Variants in CMKLR1 observed in about 807,000 individuals in gnomAD.
The protein encoded by CMKLR1 is chemerin-like receptor 1.
Under a neutral mutation model 8.2 loss-of-function variants are expected in CMKLR1, and 6 were observed. That is an observed-to-expected ratio of 0.73 (90% confidence interval 0.40 to 1.44). The LOEUF (loss-of-function observed/expected upper bound fraction) is 1.44, where lower values mean the gene tolerates loss of function less well. Ranked by LOEUF, CMKLR1 falls within the 40% of genes most tolerant of loss-of-function variation. The pLI, the probability that CMKLR1 is intolerant of heterozygous loss-of-function variation, is 0.02. For synonymous variants in CMKLR1, 178 were observed against 181.2 expected (o/e 0.98, Z 0.14); for missense variants, 429 against 478.0 (o/e 0.90, Z 0.96).
intron 2 of CMKLR1, among the ~76,000 whole-genome samples, chr12:108,300,158 G>A (rs556685180): frequency 1.2e-4 from 19 of 152,168 alleles, no homozygotes; most frequent in Admixed American, 6.5e-4. Flanking sequence ...GGACCAGGGC[G>A]CCATGTGGCT....
chr12:108,322,299 C>T (rs776246297), intron 2 of CMKLR1, among the ~76,000 whole-genome samples: 1 of 152,194 alleles, frequency 6.6e-6, no homozygotes, highest in South Asian at 2.1e-4. Context: ...AGGGCTTCGT[C>T]CCCTAGTCAT....
chr12:108,301,504 C>G (rs1457546611), intron 2 of CMKLR1, among the ~76,000 whole-genome samples: 1 of 152,182 alleles, frequency 6.6e-6, no homozygotes, highest in South Asian at 2.1e-4. Context: ...ACAAAAAAGC[C>G]CTACTATGTA....
rs181823549 is a variant in CMKLR1 at position 108,338,226 on chromosome 12, G to A, written c.-287+801C>T. ...ATTTTCAACAGAGAGTGCCGGCAAAGGTTTTGTGTCCTTTATATACAAAGA... is the reference window on the plus strand; with the variant it reads ...ATTTTCAACAGAGAGTGCCGGCAAAAGTTTTGTGTCCTTTATATACAAAGA... On this transcript the variant is annotated intron_variant, in intron 1 of 3. Coordinates refer to ENST00000550402, the MANE Select transcript of CMKLR1 (RefSeq NM_001142343.2). Among the ~76,000 whole-genome samples the A allele has an allele frequency of 2.4e-4, 37 of 152,256 alleles. 1 individual carries two copies. The highest frequency in any genetic ancestry group is 6.8e-3 in the Middle Eastern group (2 of 294).
chr12:108,323,125 A>G (rs1348132337), intron 2 of CMKLR1, among the ~76,000 whole-genome samples: 1 of 152,138 alleles, frequency 6.6e-6, no homozygotes, highest in Non-Finnish European at 1.5e-5. Flanking sequence ...CATTTCCCAC[A>G]AATTTTTGAG....
intron 2 of CMKLR1, among the ~76,000 whole-genome samples, chr12:108,297,588 A>T (rs1365282143): frequency 6.6e-6 from 1 of 152,218 alleles, no homozygotes; most frequent in Non-Finnish European, 1.5e-5. Context: ...CCCTGTAAAA[A>T]TAACTCCTAT....
intron 2 of CMKLR1, among the ~76,000 whole-genome samples, chr12:108,306,620 T>C (rs891021915): frequency 2.6e-5 from 4 of 152,284 alleles, no homozygotes; most frequent in Middle Eastern, 3.4e-3. Flanking sequence ...TTATTCCTAG[T>C]AGACAAATCT....
At chr12:108,327,593 C>T (rs923850860) in intron 2 of CMKLR1, among the ~76,000 whole-genome samples, 1 of 152,222 alleles carries the variant, frequency 6.6e-6, no homozygotes, top group Admixed American at 6.5e-5. Context: ...TTTCCCACTG[C>T]CCACACATCT....
At chr12:108,307,554 G>A (rs1029441059) in intron 2 of CMKLR1, among the ~76,000 whole-genome samples, 4 of 152,222 alleles carry the variant, frequency 2.6e-5, no homozygotes, top group Admixed American at 6.5e-5. Flanking sequence ...AGACTCATCC[G>A]CTCTGGAGCC....
intron 2 of CMKLR1, among the ~76,000 whole-genome samples, chr12:108,293,966 A>T (rs57919053): frequency 2.6e-4 from 40 of 152,286 alleles, no homozygotes; most frequent in African/African-American, 9.6e-4. Flanking sequence ...AAAGGAAGAC[A>T]CAGAGGAGGT....
chr12:108,304,243 C>T (rs530811995), intron 2 of CMKLR1, among the ~76,000 whole-genome samples: 8 of 152,180 alleles, frequency 5.3e-5, no homozygotes, highest in Non-Finnish European at 7.3e-5. Context: ...CCTCTTGCCC[C>T]TCAGCCTAGA....
chr12:108,315,456 C>T (rs1891696651), intron 2 of CMKLR1, among the ~76,000 whole-genome samples: 1 of 152,170 alleles, frequency 6.6e-6, no homozygotes, highest in Non-Finnish European at 1.5e-5. Flanking sequence ...AGTTTCCCTA[C>T]TCATAGATTA....
chr12:108,304,860 C>T (rs111875011), intron 2 of CMKLR1, among the ~76,000 whole-genome samples: 2,981 of 152,340 alleles, frequency 0.02, 90 homozygotes, highest in African/African-American at 0.067. Flanking sequence ...CCACTAACCT[C>T]TTCCTGAAAG....
chr12:108,300,136 C>T (rs1309281375), intron 2 of CMKLR1, among the ~76,000 whole-genome samples: 2 of 152,196 alleles, frequency 1.3e-5, no homozygotes, highest in Non-Finnish European at 2.9e-5. Flanking sequence ...CGTTTTGTTT[C>T]TCTTACACTA....
At chr12:108,320,256 G>A (rs1461752233) in intron 2 of CMKLR1, among the ~76,000 whole-genome samples, 1 of 152,114 alleles carries the variant, frequency 6.6e-6, no homozygotes, top group African/African-American at 2.4e-5. Flanking sequence ...GCACTGTGTG[G>A]AGTAGAGGTA....
rs375866656 is a variant in CMKLR1 at position 108,292,343 on chromosome 12, G to T, written c.620C>A (p.Ser207Tyr). Residue 207 changes from serine to tyrosine, a missense_variant, in exon 4 of 4, where the codon TCC becomes TAC. By Grantham distance (144) the Ser-to-Tyr change is moderately radical. Transcript: ENST00000550402. ...GCTATACCCCACAGGGTCCATTTGG[G>T]AGTGAGTGGGCCACGAGGAAGACCC... ...TPGSSSWPTH[S>Y]QMDPVGYSRH... The T allele has an allele frequency of 1.2e-6, 2 of 1,614,182 alleles. No homozygotes were observed. The highest frequency in any genetic ancestry group is 1.6e-4 in the Middle Eastern group (1 of 6,062).
At chr12:108,338,687 A>G (rs1028679323) in intron 1 of CMKLR1, among the ~76,000 whole-genome samples, 6 of 152,380 alleles carry the variant, frequency 3.9e-5, no homozygotes, top group Non-Finnish European at 7.3e-5. Flanking sequence ...AAGCAAATCT[A>G]TTATGGAAAA....
intron 1 of CMKLR1, among the ~76,000 whole-genome samples, chr12:108,337,441 T>C (rs997929205): frequency 6.6e-6 from 1 of 152,322 alleles, no homozygotes. Flanking sequence ...CTAGTTCTTG[T>C]GCAGGGGACT....
At position 108,291,781 on chromosome 12, in the gene CMKLR1, A is replaced by C; in HGVS notation, c.*60T>G. 3.3e-6 allele frequency: 5 copies of C among 1,512,768 alleles called. No homozygotes were observed. The highest frequency in any genetic ancestry group is 4.5e-6 in the Non-Finnish European group (5 of 1,119,540). 93.7% of individuals were successfully genotyped at this position (1,512,768 alleles called of 1,614,324 possible). A position where few individuals can be genotyped will look rare whatever the true frequency, so the allele number is the denominator to read the frequency against. ...AGAGGTTCTTGCCTTGATCTTCAGAAGACATATCCTTGGGTGTCCCTGGGT... is the reference window on the plus strand; with the variant it reads ...AGAGGTTCTTGCCTTGATCTTCAGACGACATATCCTTGGGTGTCCCTGGGT... On this transcript the variant is annotated 3_prime_UTR_variant, in exon 4 of 4. Coordinates refer to ENST00000550402, the MANE Select transcript of CMKLR1 (RefSeq NM_001142343.2).
At chr12:108,302,895 C>T (rs1385662592) in intron 2 of CMKLR1, among the ~76,000 whole-genome samples, 1 of 152,106 alleles carries the variant, frequency 6.6e-6, no homozygotes, top group African/African-American at 2.4e-5. Flanking sequence ...AAAATACAAG[C>T]GCAGGGACTT....
Sources: gnomAD v4.1 joint callset for allele counts (sites outside exome capture counted in the v4.1 genomes callset) on GRCh38, gnomAD v4.1.1 for gene constraint, MANE v1.5 for transcripts, NCBI Gene and HGNC (gene_info 2026-07-23, HGNC 2026-07-21) for gene names.